The following SUGP2 variants were observed in gnomAD, a reference collection of about 807,000 sequenced individuals.
SUGP2 encodes SURP and G-patch domain containing 2, also known as SURP and G-patch domain-containing protein 2.
Under a neutral mutation model 90.5 loss-of-function variants are expected in SUGP2, and 24 were observed. The observed-to-expected ratio is 0.27, with a 90% CI of 0.19 to 0.37. SUGP2 has a LOEUF of 0.37. Ranked by LOEUF, SUGP2 falls within the 10% of genes least tolerant of loss-of-function variation. SUGP2 has a pLI of 1.00. For missense variants in SUGP2, 1,233 were observed against 1,363.3 expected (o/e 0.90, Z 1.51); for synonymous variants, 473 against 513.4 (o/e 0.92, Z 1.06).
intron 4 of SUGP2, among the ~76,000 whole-genome samples, chr19:19,018,775 CAAACA>C (rs2058600330): frequency 6.6e-6 from 1 of 150,686 alleles, no homozygotes; most frequent in African/African-American, 2.4e-5. Context: ...CAATAAATTG[CAAACA>C]ACTGCAATGA....
At chr19:19,011,934 T>C (rs2058327560) in intron 4 of SUGP2, among the ~76,000 whole-genome samples, 1 of 152,240 alleles carries the variant, frequency 6.6e-6, no homozygotes, top group South Asian at 2.1e-4. Context: ...TTAGTAAGTA[T>C]GGCAGTATTT....
intron 5 of SUGP2, among the ~76,000 whole-genome samples, chr19:19,009,177 T>C (rs2058205365): frequency 6.6e-6 from 1 of 152,036 alleles, no homozygotes; most frequent in Non-Finnish European, 1.5e-5. Context: ...CCTCCCAAAG[T>C]GCTGGGATTA....
chr19:19,023,556 C>T (rs1406079938), intron 3 of SUGP2, among the ~76,000 whole-genome samples: 2 of 152,126 alleles, frequency 1.3e-5, no homozygotes, highest in African/African-American at 4.8e-5. Context: ...AGAGACAGTG[C>T]TCTGTGTCTT....
intron 5 of SUGP2, 80 bp from the exon 6 acceptor site, chr19:19,008,508 G>T: frequency 9.0e-7 from 1 of 1,109,102 alleles, no homozygotes; most frequent in South Asian, 1.2e-5. Context: ...TGTGGAGGCT[G>T]ATTATAAAGA....
At position 19,004,505 on chromosome 19, in the gene SUGP2, G is replaced by A. The variant is rs752400819; in HGVS notation, c.2592C>T (p.Pro864=). 1.7e-5 allele frequency: 27 copies of A among 1,614,094 alleles called. No individual in the cohort carries two copies. In the South Asian group the frequency reaches 2.3e-4, roughly 14 times the overall value. ...CTGCTTCCCCTTCCATGAGGTCCAC[G>A]GGGCTCTCCTGAGAACCCGTGGTGT... The part of the protein sequence containing the change: ...GGDTTGSQES[P]VDLMEGEAEF... Residue 864 remains proline (P), a synonymous_variant, in exon 7 of 11, where the codon CCC becomes CCT. Transcript: ENST00000452918.
intron 8 of SUGP2, among the ~76,000 whole-genome samples, chr19:18,999,851 C>T (rs143185881): frequency 2.6e-5 from 4 of 152,314 alleles, no homozygotes; most frequent in African/African-American, 9.6e-5. Context: ...CTTTCCATAA[C>T]CTGGCTCCAG....
At chr19:19,001,575 C>T (rs376143057) in intron 8 of SUGP2, 38 bp downstream of exon 8, 1 of 1,604,608 alleles carries the variant, frequency 6.2e-7, no homozygotes, top group African/African-American at 1.3e-5. Flanking sequence ...TTCTAACCAA[C>T]TATACTTTGA....
intron 2 of SUGP2, among the ~76,000 whole-genome samples, chr19:19,027,187 A>C (rs2058969565): frequency 6.6e-6 from 1 of 152,226 alleles, no homozygotes; most frequent in Admixed American, 6.5e-5. Flanking sequence ...AACTGTAAGA[A>C]GCGAGGAAGA....
rs1163980867 is a variant in SUGP2, at chr19:18,994,472, T to G, written c.3143A>C (p.Glu1048Ala). 1 of 1,614,008 alleles carries G rather than the reference T, an allele frequency of 6.2e-7. No individual in the cohort carries two copies. The highest frequency in any genetic ancestry group is 2.2e-5 in the East Asian group (1 of 44,888). The change falls in exon 10 of 11, where the codon GAA becomes GCA. Residue 1048 changes from glutamate to alanine, a missense_variant. Transcript: ENST00000452918. ...REPVSVGTPSEGEGLGADGQE... is the reference protein window; with the variant it reads ...REPVSVGTPSAGEGLGADGQE... Reference sequence around the variant, plus strand: ...CCCGTCAGCACCCAACCCTTCCCCTTCCGAGGGGGTTCCCCTAGGGAGTGA... The same window carrying G: ...CCCGTCAGCACCCAACCCTTCCCCTGCCGAGGGGGTTCCCCTAGGGAGTGA...
chr19:18,995,659 G>T (rs892293159), intron 8 of SUGP2, among the ~76,000 whole-genome samples: 6 of 152,158 alleles, frequency 3.9e-5, no homozygotes, highest in Non-Finnish European at 8.8e-5. Context: ...AGGGAAGAGT[G>T]GGGGGCACCA....
chr19:19,026,298 C>G, intron 2 of SUGP2, 72 bp from the exon 3 acceptor site: 1 of 1,406,112 alleles, frequency 7.1e-7, no homozygotes, highest in Non-Finnish European at 9.3e-7. Flanking sequence ...GCAAACAGTG[C>G]AAACAAACAG....
At position 19,004,466 on chromosome 19, in the gene SUGP2, C is replaced by G; in HGVS notation, c.2631G>C (p.Glu877Asp). 1 of 1,614,218 alleles carries G rather than the reference C, an allele frequency of 6.2e-7. No homozygotes were observed. Among genetic ancestry groups the G allele is most frequent in the Non-Finnish European group, 8.5e-7 (1 of 1,180,040 alleles). ...CCAGCTCAGCCTCCCGCGGAGGGGG[C>G]TCGTCTTCAAACTCTGCTTCCCCTT... ...LMEGEAEFED[E>D]PPPREAELES... The change falls in exon 7 of 11, where the codon GAG (glutamate) becomes GAC (aspartate). Residue 877 changes from glutamate to aspartate, a missense_variant. By Grantham distance (45) the Glu-to-Asp change is conservative (BLOSUM62 2). Coordinates refer to ENST00000452918, the MANE Select transcript of SUGP2 (RefSeq NM_001017392.5).
intron 6 of SUGP2, 75 bp from the exon 7 acceptor site, chr19:19,004,721 T>C (rs1158880662): frequency 8.6e-6 from 11 of 1,274,332 alleles, no homozygotes; most frequent in Admixed American, 3.9e-5. Context: ...ACTGCTGGGA[T>C]TGATCCAAGG....
chr19:19,009,801 G>A, intron 5 of SUGP2, 54 bp downstream of exon 5: 1 of 1,536,000 alleles, frequency 6.5e-7, no homozygotes, highest in Non-Finnish European at 8.7e-7. Context: ...AGACCCTGGA[G>A]ATGGGAGAGT....
intron 3 of SUGP2, 65 bp downstream of exon 3, chr19:19,024,554 G>C: frequency 3.3e-6 from 5 of 1,518,416 alleles, no homozygotes; most frequent in Non-Finnish European, 4.4e-6. Context: ...AAAAAATCTC[G>C]AATAAAAGAC....
intron 4 of SUGP2, among the ~76,000 whole-genome samples, chr19:19,015,910 T>C (rs1811489043): frequency 6.6e-6 from 1 of 152,250 alleles, no homozygotes; most frequent in Non-Finnish European, 1.5e-5. Flanking sequence ...CTGAGATTTT[T>C]ATTTCAATCT....
chr19:19,018,512 C>T (rs1481637487), intron 4 of SUGP2, among the ~76,000 whole-genome samples: 3 of 151,348 alleles, frequency 2.0e-5, no homozygotes, highest in Non-Finnish European at 4.4e-5. Flanking sequence ...ACTATGAAAC[C>T]CCATCTCTAC....
chr19:19,027,563 G>C (rs950489878), intron 2 of SUGP2, among the ~76,000 whole-genome samples: 3 of 152,110 alleles, frequency 2.0e-5, no homozygotes, highest in Non-Finnish European at 2.9e-5. Context: ...AATCAAGCAC[G>C]TGGGAACCTG....
chr19:19,011,292 C>T (rs112871667), intron 4 of SUGP2, among the ~76,000 whole-genome samples: 14,473 of 151,558 alleles, frequency 0.095, 870 homozygotes, highest in Middle Eastern at 0.25. Context: ...GGACTACAGG[C>T]GCGCACCACC....
Sources: gnomAD v4.1 joint callset for allele counts (sites outside exome capture counted in the v4.1 genomes callset) on GRCh38, gnomAD v4.1.1 for gene constraint, MANE v1.5 for transcripts, NCBI Gene and HGNC (gene_info 2026-07-23, HGNC 2026-07-21) for gene names.